Variants in KCNQ5 observed in about 807,000 individuals in gnomAD.
KCNQ5 encodes potassium voltage-gated channel subfamily KQT member 5.
Under a neutral mutation model 98.2 loss-of-function variants are expected in KCNQ5, and 30 were observed. That is an observed-to-expected ratio of 0.31 (90% CI 0.23 to 0.41). The LOEUF is 0.41. KCNQ5 is among the 10% of genes least tolerant of loss of function. The pLI is 1.00. For synonymous variants in KCNQ5, 458 were observed against 449.4 expected, an observed-to-expected ratio of 1.02 and a Z score of -0.24; for missense variants, 835 against 1,182.5, an observed-to-expected ratio of 0.71 and a Z score of 4.31.
intron 1 of KCNQ5, among the ~76,000 whole-genome samples, chr6:72,902,379 T>A (rs1310784730): frequency 6.6e-6 from 1 of 152,226 alleles, no homozygotes; most frequent in Non-Finnish European, 1.5e-5. Context: ...CAGTACTATG[T>A]TGAAGAGGAG....
intron 1 of KCNQ5, among the ~76,000 whole-genome samples, chr6:72,692,129 C>CTG (rs1768240458): frequency 6.6e-6 from 1 of 152,206 alleles, no homozygotes; most frequent in African/African-American, 2.4e-5. Context: ...CTAGGCAATG[C>CTG]TGTTTCTAAA....
At chr6:72,945,643 A>T (rs1256260539) in intron 1 of KCNQ5, among the ~76,000 whole-genome samples, 2 of 151,590 alleles carry the variant, frequency 1.3e-5, no homozygotes, top group African/African-American at 4.8e-5. Context: ...TTTAGTAGAG[A>T]CAGGTTTTTG....
chr6:73,195,419 T>C lies in KCNQ5; in HGVS notation c.*5T>C. The stretch of plus-strand genomic sequence containing the variant: ...CCTCATGTCAAACTGAAATAAGTTC[T>C]TCATTTTCTTTCCAGGCATAGCAGT... On this transcript the variant is annotated 3_prime_UTR_variant, in exon 14 of 14. Transcript: ENST00000370398. 1.2e-6 allele frequency: 2 copies of C among 1,608,482 alleles called. No homozygotes were observed. Among genetic ancestry groups the C allele is most frequent in the Admixed American group, 3.3e-5 (2 of 59,840 alleles).
chr6:73,195,742 G>A lies in KCNQ5; in HGVS notation c.*328G>A, dbSNP rs749086006. ...TTTGACACTGTATTTTGAAATTATG[G>A]GAGTAAACACCTTCAAATTTCAGGC... On this transcript the variant is annotated 3_prime_UTR_variant, in exon 14 of 14. Transcript: ENST00000370398. The A allele has an allele frequency of 3.2e-5, 8 of 248,396 alleles. No individual in the cohort carries two copies. The highest frequency in any genetic ancestry group is 6.3e-5 in the Non-Finnish European group (8 of 127,120). The allele number at this position is 248,396 out of a possible 1,614,324, so 15.4% of individuals were successfully genotyped here. A position where few individuals can be genotyped will look rare whatever the true frequency, so the allele number is the denominator to read the frequency against.
chr6:73,194,763 G>A lies in KCNQ5; in HGVS notation c.2148G>A (p.Val716=), dbSNP rs1235230201. The change falls in exon 14 of 14, where the codon GTG becomes GTA. Residue 716 remains valine (V), a synonymous_variant. Coordinates refer to ENST00000370398, the MANE Select transcript of KCNQ5 (RefSeq NM_019842.4). ...CTATGCACAGTCAAGCAACACAGGT[G>A]CCAATTAGTCAAAGCGATGGCTCAG... ...SPTMHSQATQ[V]PISQSDGSAV... 1 of 1,614,078 alleles carries A rather than the reference G, an allele frequency of 6.2e-7. No homozygotes were observed. The highest frequency in any genetic ancestry group is 8.5e-7 in the Non-Finnish European group (1 of 1,180,038).
chr6:72,940,874 A>G (rs1045308561), intron 1 of KCNQ5, among the ~76,000 whole-genome samples: 1 of 152,328 alleles, frequency 6.6e-6, no homozygotes, highest in South Asian at 2.1e-4. Flanking sequence ...AAGTATTTAG[A>G]GAAATAGCTG....
intron 3 of KCNQ5, among the ~76,000 whole-genome samples, chr6:73,050,466 T>C (rs941001969): frequency 6.6e-6 from 1 of 152,212 alleles, no homozygotes; most frequent in African/African-American, 2.4e-5. Flanking sequence ...AGAATTTCCA[T>C]GTTCAAATGT....
At chr6:72,690,935 C>T (rs1164095642) in intron 1 of KCNQ5, among the ~76,000 whole-genome samples, 1 of 151,766 alleles carries the variant, frequency 6.6e-6, no homozygotes, top group Non-Finnish European at 1.5e-5. Context: ...CTTATGTTTT[C>T]CTTAATATTT....
intron 1 of KCNQ5, among the ~76,000 whole-genome samples, chr6:72,764,299 A>G (rs992274757): frequency 3.3e-5 from 5 of 152,072 alleles, no homozygotes; most frequent in Admixed American, 3.3e-4. Context: ...TTATCAAAAT[A>G]TATTCCCCTA....
chr6:73,172,887 A>G (rs1209434617), intron 11 of KCNQ5, among the ~76,000 whole-genome samples: 1 of 152,238 alleles, frequency 6.6e-6, no homozygotes, highest in Non-Finnish European at 1.5e-5. Flanking sequence ...ATTCTACTGC[A>G]AGGATGACAG....
At chr6:72,814,415 A>G (rs1434765473) in intron 1 of KCNQ5, among the ~76,000 whole-genome samples, 1 of 152,226 alleles carries the variant, frequency 6.6e-6, no homozygotes, top group Non-Finnish European at 1.5e-5. Flanking sequence ...TGAGGGTTAT[A>G]AAATCATTAC....
chr6:72,853,636 C>T (rs903588895), intron 1 of KCNQ5, among the ~76,000 whole-genome samples: 76 of 152,312 alleles, frequency 5.0e-4, no homozygotes, highest in African/African-American at 1.8e-3. Flanking sequence ...GTTTTGCACC[C>T]TTCTGTGGGG....
chr6:72,703,099 C>A (rs559945767), intron 1 of KCNQ5, among the ~76,000 whole-genome samples: 1 of 152,338 alleles, frequency 6.6e-6, no homozygotes. Flanking sequence ...CTCCTCACAA[C>A]CAGCCTATAG....
chr6:72,857,212 C>T (rs1777569840), intron 1 of KCNQ5, among the ~76,000 whole-genome samples: 1 of 152,172 alleles, frequency 6.6e-6, no homozygotes, highest in South Asian at 2.1e-4. Flanking sequence ...AAATAAAGCA[C>T]TTATTCTCTA....
intron 1 of KCNQ5, among the ~76,000 whole-genome samples, chr6:72,960,547 G>A (rs201007768): frequency 1.3e-5 from 2 of 151,884 alleles, no homozygotes; most frequent in Middle Eastern, 3.4e-3. Context: ...CTCCTGCCTC[G>A]GCCTCCCGAG....
At chr6:72,918,425 C>T (rs1015559794) in intron 1 of KCNQ5, among the ~76,000 whole-genome samples, 3 of 151,812 alleles carry the variant, frequency 2.0e-5, no homozygotes, top group African/African-American at 7.3e-5. Flanking sequence ...TGTTCATGTG[C>T]TCAAAAGTCT....
chr6:73,149,864 T>C (rs1436537743), intron 10 of KCNQ5, among the ~76,000 whole-genome samples: 3 of 148,352 alleles, frequency 2.0e-5, no homozygotes, highest in Admixed American at 6.7e-5. Context: ...GGCAAGCTGA[T>C]AGAATGGATC....
chr6:72,937,038 C>T (rs554796598), intron 1 of KCNQ5, among the ~76,000 whole-genome samples: 3 of 152,088 alleles, frequency 2.0e-5, no homozygotes, highest in Non-Finnish European at 2.9e-5. Context: ...AGAGTACAAA[C>T]AAAATAGCTA....
chr6:73,189,995 C>CA (rs56943530), intron 11 of KCNQ5, among the ~76,000 whole-genome samples: 26,743 of 112,852 alleles, frequency 0.24, 2,621 homozygotes, highest in Middle Eastern at 0.42. Context: ...GACCTCATCT[C>CA]AAAAAAAAAA....
Sources: gnomAD v4.1 joint callset for allele counts (sites outside exome capture counted in the v4.1 genomes callset) on GRCh38, gnomAD v4.1.1 for gene constraint, MANE v1.5 for transcripts, NCBI Gene and HGNC (gene_info 2026-07-23, HGNC 2026-07-21) for gene names.